The following PALM2AKAP2 variants were observed in gnomAD, a reference collection of about 807,000 sequenced individuals.
PALM2AKAP2 encodes PALM2-AKAP2 fusion protein.
In PALM2AKAP2, 37 loss-of-function variants were observed where a neutral mutation model predicts 71.5. The ratio of observed to expected loss-of-function variants is 0.52; its 90% confidence interval spans 0.40 to 0.68. The LOEUF (loss-of-function observed/expected upper bound fraction) is 0.68. Ranked by LOEUF, PALM2AKAP2 falls within the 30% of genes least tolerant of loss-of-function variation. The pLI, the probability that PALM2AKAP2 is intolerant of heterozygous loss-of-function variation, is 0.00. For synonymous variants in PALM2AKAP2, 468 were observed against 478.8 expected, an observed-to-expected ratio of 0.98 and a Z score of 0.29; for missense variants, 1,224 against 1,191.8, an observed-to-expected ratio of 1.03 and a Z score of -0.40.
intron 3 of PALM2AKAP2, among the ~76,000 whole-genome samples, chr9:109,908,808 GCA>G (rs59715039): frequency 0.42 from 62,598 of 150,004 alleles, 13,160 homozygotes; most frequent in Non-Finnish European, 0.47. Context: ...GGATGCGTGT[GCA>G]CACACACACA....
intron 6 of PALM2AKAP2, among the ~76,000 whole-genome samples, chr9:109,979,012 C>A (rs1832220148): frequency 6.6e-6 from 1 of 151,064 alleles, no homozygotes; most frequent in Non-Finnish European, 1.5e-5. Context: ...TCTTTTGAGG[C>A]AGAGTGTTGC....
chr9:109,845,020 G>A (rs528899579), intron 1 of PALM2AKAP2, among the ~76,000 whole-genome samples: 6 of 152,140 alleles, frequency 3.9e-5, no homozygotes, highest in East Asian at 3.9e-4. Context: ...GAAGTCATTC[G>A]TGAAGATGCA....
chr9:109,958,583 AAG>A lies in PALM2AKAP2; in HGVS notation c.496+26559_496+26560del, dbSNP rs553554926. Reference sequence around the variant, plus strand: ...ATTTAAAAAGAAAGGAGAGAAGAAAAAGAGAAGGAGAAAAGGAAGAGGAGCGA... The same window carrying A: ...ATTTAAAAAGAAAGGAGAGAAGAAAAAGAAGGAGAAAAGGAAGAGGAGCGA... On this transcript the variant is annotated intron_variant, in intron 6 of 9. Transcript: ENST00000302798. Among the ~76,000 whole-genome samples the A allele has an allele frequency of 5.3e-5, 8 of 152,266 alleles. No homozygotes were observed. The East Asian group carries it at 1.4e-3, about 26-fold the overall frequency.
chr9:109,856,597 T>A (rs1420460577), intron 1 of PALM2AKAP2, among the ~76,000 whole-genome samples: 1 of 152,258 alleles, frequency 6.6e-6, no homozygotes, highest in African/African-American at 2.4e-5. Context: ...ATGTTCATTT[T>A]ATTCCTGTGT....
intron 1 of PALM2AKAP2, among the ~76,000 whole-genome samples, chr9:109,688,916 T>G (rs1827840186): frequency 6.6e-6 from 1 of 152,194 alleles, no homozygotes. Flanking sequence ...ATGCCAAATG[T>G]ATTTTTCTGC....
intron 1 of PALM2AKAP2, among the ~76,000 whole-genome samples, chr9:109,815,716 G>A (rs1827835238): frequency 6.6e-6 from 1 of 152,200 alleles, no homozygotes; most frequent in South Asian, 2.1e-4. Context: ...GTTGTGGAGT[G>A]TGGAGTTCAG....
chr9:110,052,132 G>A (rs1433372063), intron 1 of PALM2AKAP2, among the ~76,000 whole-genome samples: 2 of 152,154 alleles, frequency 1.3e-5, no homozygotes, highest in Non-Finnish European at 2.9e-5. Flanking sequence ...TCGATCTCCT[G>A]ACCTCGTGAT....
chr9:110,136,123 C>T lies in PALM2AKAP2; in HGVS notation c.157-4C>T, dbSNP rs1367396867. The T allele has an allele frequency of 1.3e-6, 2 of 1,560,638 alleles. No individual in the cohort carries two copies. The highest frequency in any genetic ancestry group is 2.5e-5 in the South Asian group (2 of 80,066). ...CCCTGACTTTTGTTTACTCTTTATT[C>T]CAGAAGCCTCCCCAGCTTTCTGAGG... On this transcript the variant is annotated splice_polypyrimidine_tract_variant and splice_region_variant and intron_variant, in intron 1 of 3. Transcript: ENST00000374525.
Position 109,834,622 on chromosome 9 carries a change from C to T in PALM2AKAP2, c.46-32869C>T, listed in dbSNP as rs188989639. 2.4e-3 allele frequency among the ~76,000 whole-genome samples: 369 copies of T among 152,142 alleles called. 4 individuals are homozygous for T. Among genetic ancestry groups the T allele is most frequent in the African/African-American group, 8.3e-3 (344 of 41,482 alleles). On this transcript the variant is annotated intron_variant, in intron 1 of 9. Transcript: ENST00000302798. The stretch of plus-strand genomic sequence containing the variant: ...GGGTCGGGGGTTGAGATGAATTTGT[C>T]ACAGCTCCGCCTGAGCTCACCACAC...
chr9:109,942,924 A>C, intron 6 of PALM2AKAP2: 2 of 1,614,204 alleles, frequency 1.2e-6, no homozygotes, highest in East Asian at 4.5e-5. Flanking sequence ...AATCAAGCTT[A>C]GGAGGAGGGC....
intron 1 of PALM2AKAP2, among the ~76,000 whole-genome samples, chr9:110,056,760 C>T (rs1365916391): frequency 6.6e-6 from 1 of 152,106 alleles, no homozygotes; most frequent in African/African-American, 2.4e-5. Flanking sequence ...AAGAATAGTT[C>T]AGATCAGTGT....
intron 3 of PALM2AKAP2, among the ~76,000 whole-genome samples, chr9:109,915,841 A>T (rs7855586): frequency 2.0e-5 from 3 of 151,994 alleles, no homozygotes; most frequent in African/African-American, 7.3e-5. Context: ...GAGTTCACAG[A>T]CAAGACCCTC....
intron 6 of PALM2AKAP2, among the ~76,000 whole-genome samples, chr9:110,006,357 T>TCTTC (rs1832785047): frequency 7.2e-6 from 1 of 139,564 alleles, no homozygotes; most frequent in Non-Finnish European, 1.5e-5. Context: ...TTTCTTTCTT[T>TCTTC]CTTTCTTTCT....
At chr9:109,730,371 A>G (rs1185846125) in intron 1 of PALM2AKAP2, among the ~76,000 whole-genome samples, 3 of 152,240 alleles carry the variant, frequency 2.0e-5, no homozygotes, top group Non-Finnish European at 4.4e-5. Flanking sequence ...ATACTAGGTC[A>G]ATTACCTTTG....
intron 1 of PALM2AKAP2, among the ~76,000 whole-genome samples, chr9:109,853,093 G>T (rs1163485524): frequency 6.6e-6 from 1 of 152,154 alleles, no homozygotes; most frequent in Non-Finnish European, 1.5e-5. Context: ...ATAACTGGGG[G>T]ATCTAGGGGC....
chr9:109,795,173 A>G (rs1827218480), intron 1 of PALM2AKAP2, among the ~76,000 whole-genome samples: 1 of 152,218 alleles, frequency 6.6e-6, no homozygotes, highest in African/African-American at 2.4e-5. Context: ...ATTAAATGCT[A>G]GTAGCACACC....
At chr9:109,821,157 C>G (rs1827989240) in intron 1 of PALM2AKAP2, among the ~76,000 whole-genome samples, 1 of 152,146 alleles carries the variant, frequency 6.6e-6, no homozygotes, top group Admixed American at 6.5e-5. Flanking sequence ...TGTGAGCTGC[C>G]AGGTGGGACC....
At chr9:109,922,421 CAAAAAAAAAAAAAAAAAAAAA>C (rs398011831) in intron 3 of PALM2AKAP2, among the ~76,000 whole-genome samples, 24 of 19,238 alleles carry the variant, frequency 1.2e-3, no homozygotes, top group East Asian at 3.1e-3. Flanking sequence ...GACTCTATCT[CAAAAAAAAAAAAAAAAAAAAA>C]AAAAAAAAAA....
At chr9:110,034,219 G>A (rs1260052404) in intron 7 of PALM2AKAP2, among the ~76,000 whole-genome samples, 5 of 152,104 alleles carry the variant, frequency 3.3e-5, no homozygotes, top group African/African-American at 7.2e-5. Flanking sequence ...GTGCAACGGC[G>A]TGATCTTGGC....
Sources: allele counts gnomAD v4.1 joint callset (sites outside exome capture counted in the v4.1 genomes callset), GRCh38; gene constraint gnomAD v4.1.1; transcripts MANE v1.5; gene names NCBI Gene and HGNC (gene_info 2026-07-23, HGNC 2026-07-21).